ZYG11A: variants seen among roughly 807,000 people sequenced by gnomAD.
ZYG11A encodes the protein protein zyg-11 homolog A.
ZYG11A carries 62 observed loss-of-function variants against 77.2 expected under a neutral mutation model. The observed-to-expected ratio is 0.80, with a 90% CI of 0.65 to 0.99. The LOEUF is 0.99. Ranked by LOEUF, ZYG11A falls within the 50% of genes least tolerant of loss-of-function variation. The pLI, the probability that ZYG11A is intolerant of heterozygous loss-of-function variation, is 0.00. For missense variants in ZYG11A, 828 were observed against 896.8 expected (o/e 0.92, Z 0.98); for synonymous variants, 315 against 324.6 (o/e 0.97, Z 0.32).
Position 52,871,933 on chromosome 1 carries a change from T to C in ZYG11A, c.1542+4156T>C, listed in dbSNP as rs1166946042. Among the ~76,000 whole-genome samples, 6 of 152,216 alleles carry C rather than the reference T, an allele frequency of 3.9e-5. No individual in the cohort carries two copies. In the East Asian group the frequency reaches 1.2e-3, roughly 29 times the overall value. ...AAGTCTTTCATGTCCTCCAGAAGTA[T>C]GTTCAAGTGTTTGTCATTTGCATTG... On this transcript the variant is annotated intron_variant, in intron 8 of 13. Coordinates refer to ENST00000371528, the MANE Select transcript of ZYG11A (RefSeq NM_001004339.3).
rs1168802852 is a variant in ZYG11A at position 52,893,627 on chromosome 1, G to A, written c.*670G>A. ...CAAAAAATACAAAAATTAGCTGAGC[G>A]TGGTGGTGTGCACCTTTACTCCTAG... is the stretch of plus-strand genomic sequence containing the variant. On this transcript the variant is annotated 3_prime_UTR_variant, in exon 14 of 14. Coordinates refer to ENST00000371528, the MANE Select transcript of ZYG11A (RefSeq NM_001004339.3). The A allele has an allele frequency of 6.6e-6, 1 of 151,698 alleles. No individual in the cohort carries two copies. The highest frequency in any genetic ancestry group is 6.6e-5 in the Admixed American group (1 of 15,224). 9.4% of individuals were successfully genotyped at this position (151,698 alleles called of 1,614,324 possible).
intron 8 of ZYG11A, among the ~76,000 whole-genome samples, chr1:52,869,984 C>T (rs1030481677): frequency 1.1e-4 from 17 of 151,454 alleles, no homozygotes; most frequent in African/African-American, 2.9e-4. Flanking sequence ...ACCCCCCTCC[C>T]GGGCGGGGCG....
intron 10 of ZYG11A, among the ~76,000 whole-genome samples, chr1:52,878,532 C>T (rs959499613): frequency 1.3e-5 from 2 of 152,122 alleles, no homozygotes; most frequent in Non-Finnish European, 2.9e-5. Context: ...CACATTGCTA[C>T]GGGGTGTATA....
At chr1:52,878,741 C>G (rs1646305847) in intron 10 of ZYG11A, among the ~76,000 whole-genome samples, 1 of 151,838 alleles carries the variant, frequency 6.6e-6, no homozygotes, top group South Asian at 2.1e-4. Context: ...AAGTTCAAGA[C>G]CAACCTGGTC....
intron 13 of ZYG11A, among the ~76,000 whole-genome samples, chr1:52,891,710 C>T (rs1220464886): frequency 1.3e-5 from 2 of 151,658 alleles, no homozygotes; most frequent in Non-Finnish European, 2.9e-5. Context: ...AGGAATATTG[C>T]CTCCAACTCT....
intron 3 of ZYG11A, among the ~76,000 whole-genome samples, chr1:52,858,556 C>T (rs572575991): frequency 3.0e-4 from 45 of 150,450 alleles, no homozygotes; most frequent in African/African-American, 6.8e-4. Context: ...CCGCCTGCCT[C>T]GGCCTCCCAA....
At chr1:52,869,495 C>T (rs568443620) in intron 8 of ZYG11A, among the ~76,000 whole-genome samples, 2 of 151,828 alleles carry the variant, frequency 1.3e-5, no homozygotes, top group African/African-American at 2.4e-5. Context: ...GCACATCTTG[C>T]ACCGCCCTTA....
In ZYG11A at chr1:52,890,439, T is replaced by C. The variant is rs1051329178; in HGVS notation, c.2105-2343T>C. 9.3e-5 allele frequency among the ~76,000 whole-genome samples: 14 copies of C among 151,180 alleles called. 1 individual carries two copies. Among genetic ancestry groups the C allele is most frequent in the African/African-American group, 3.4e-4 (14 of 40,858 alleles). Reference sequence around the variant, plus strand: ...TTTTAGTAGAAACCGGGTTTCATCATGTTGGCCATTCTGGGTCTCAAAGTC... The same window carrying C: ...TTTTAGTAGAAACCGGGTTTCATCACGTTGGCCATTCTGGGTCTCAAAGTC... On this transcript the variant is annotated intron_variant, in intron 13 of 13. Coordinates refer to ENST00000371528, the MANE Select transcript of ZYG11A (RefSeq NM_001004339.3).
rs10682296 is a variant in ZYG11A at position 52,880,066 on chromosome 1, C to CTTTT, written c.1750-1387_1750-1384dup. On this transcript the variant is annotated intron_variant, in intron 10 of 13. Transcript: ENST00000371528. The stretch of plus-strand genomic sequence containing the variant: ...GGCATGAGCTACCGCACCCAGCCCA[C>CTTTT]TTTTTTTTTTTTTTTTTTTTTGAGA... 5.4e-3 allele frequency among the ~76,000 whole-genome samples: 591 copies of CTTTT among 110,030 alleles called. 23 individuals are homozygous for CTTTT. The highest frequency in any genetic ancestry group is 0.013 in the African/African-American group (362 of 27,056). 72.2% of individuals were successfully genotyped at this position (110,030 alleles called of 152,430 possible). A position where few individuals can be genotyped will look rare whatever the true frequency, so the allele number is the denominator to read the frequency against.
At chr1:52,881,318 T>C in intron 10 of ZYG11A, 153 bp from the exon 11 acceptor site, 1 of 548,604 alleles carries the variant, frequency 1.8e-6, no homozygotes, top group Non-Finnish European at 3.2e-6. Context: ...GGGAGTTGGA[T>C]TGTGGGTTTT....
intron 4 of ZYG11A, among the ~76,000 whole-genome samples, chr1:52,861,830 A>G (rs1645933008): frequency 6.6e-6 from 1 of 152,000 alleles, no homozygotes; most frequent in South Asian, 2.1e-4. Context: ...CCGAGATGGG[A>G]GGATTTCCTG....
chr1:52,873,980 G>A (rs541629974), intron 8 of ZYG11A, among the ~76,000 whole-genome samples: 2 of 151,066 alleles, frequency 1.3e-5, no homozygotes, highest in East Asian at 3.9e-4. Flanking sequence ...GTGAAACTCC[G>A]TCTCAAAAAA....
At chr1:52,845,031 C>A (rs1363322860) in intron 1 of ZYG11A, among the ~76,000 whole-genome samples, 1 of 152,010 alleles carries the variant, frequency 6.6e-6, no homozygotes, top group Non-Finnish European at 1.5e-5. Context: ...TTGCCTTGGC[C>A]TCCCATATCT....
intron 4 of ZYG11A, among the ~76,000 whole-genome samples, chr1:52,863,658 T>G (rs1645969723): frequency 6.6e-6 from 1 of 152,226 alleles, no homozygotes; most frequent in Admixed American, 6.5e-5. Context: ...CTCTCACTCA[T>G]GTTTGTGTCC....
At chr1:52,850,956 T>C (rs537058308) in intron 1 of ZYG11A, among the ~76,000 whole-genome samples, 76 of 152,362 alleles carry the variant, frequency 5.0e-4, no homozygotes, top group African/African-American at 1.5e-3. Context: ...TTTTTCCTGC[T>C]TCTCATGTCT....
intron 13 of ZYG11A, among the ~76,000 whole-genome samples, chr1:52,892,170 A>G (rs1646555510): frequency 7.4e-6 from 1 of 135,492 alleles, no homozygotes; most frequent in Non-Finnish European, 1.6e-5. Flanking sequence ...AAGTGCTGGG[A>G]TTACAGGCGT....
At chr1:52,870,780 A>G (rs919747183) in intron 8 of ZYG11A, among the ~76,000 whole-genome samples, 8 of 151,006 alleles carry the variant, frequency 5.3e-5, no homozygotes, top group Admixed American at 2.6e-4. Context: ...AGAGTCAGGC[A>G]GGGAGGCTGC....
rs532242 is a variant in ZYG11A at position 52,842,993 on chromosome 1, C to T, written c.90+20C>T. The T allele has an allele frequency of 6.7e-7, 1 of 1,500,186 alleles. No homozygotes were observed. Among genetic ancestry groups the T allele is most frequent in the African/African-American group, 1.5e-5 (1 of 68,570 alleles). The allele number at this position is 1,500,186 out of a possible 1,614,324, so 92.9% of individuals were successfully genotyped here. ...GTACAGGTGAGCACCGGGGTGCGGGCGGCGACGCGGACCTCGGCGCCACGT... is the reference window on the plus strand; with the variant it reads ...GTACAGGTGAGCACCGGGGTGCGGGTGGCGACGCGGACCTCGGCGCCACGT... On this transcript the variant is annotated intron_variant, in intron 1 of 13. Coordinates refer to ENST00000371528, the MANE Select transcript of ZYG11A (RefSeq NM_001004339.3).
chr1:52,860,982 C>T (rs2149999059), intron 4 of ZYG11A, 111 bp downstream of exon 4: 3 of 1,066,934 alleles, frequency 2.8e-6, no homozygotes, highest in East Asian at 2.6e-5. Context: ...TATAGTGAGT[C>T]AAGTGCTCTC....
Sources: allele counts gnomAD v4.1 joint callset (sites outside exome capture counted in the v4.1 genomes callset), GRCh38; gene constraint gnomAD v4.1.1; transcripts MANE v1.5; gene names NCBI Gene and HGNC (gene_info 2026-07-23, HGNC 2026-07-21).